The following SLC39A12 variants were observed in gnomAD, a reference collection of about 807,000 sequenced individuals.
SLC39A12 encodes zinc transporter ZIP12.
SLC39A12 carries 63 observed loss-of-function variants against 71.1 expected under a neutral mutation model. That is an observed-to-expected ratio of 0.89 (90% confidence interval 0.72 to 1.09). The LOEUF (loss-of-function observed/expected upper bound fraction) is 1.09, where lower values mean the gene tolerates loss of function less well. Ranked by LOEUF, SLC39A12 falls within the 50% of genes least tolerant of loss-of-function variation. SLC39A12 has a pLI of 0.00. For missense variants in SLC39A12, 892 were observed against 812.6 expected, an observed-to-expected ratio of 1.10 and a Z score of -1.19; for synonymous variants, 351 against 301.3, an observed-to-expected ratio of 1.16 and a Z score of -1.71.
At chr10:17,957,061 T>G (rs35598022) in intron 2 of SLC39A12, among the ~76,000 whole-genome samples, 13,501 of 152,196 alleles carry the variant, frequency 0.089, 625 homozygotes, top group Non-Finnish European at 0.094. Flanking sequence ...TAAAAGAGAC[T>G]GTCTTCTTTT....
chr10:17,952,599 T>C (rs1436709430), intron 1 of SLC39A12, among the ~76,000 whole-genome samples: 1 of 151,800 alleles, frequency 6.6e-6, no homozygotes, highest in African/African-American at 2.4e-5. Flanking sequence ...GCAATTCTTC[T>C]GCCTCAGCCT....
At position 17,953,316 on chromosome 10, in the gene SLC39A12, T is replaced by G; in HGVS notation, c.40T>G (p.Leu14Val). ...RTKLSVSWVP[L>V]FLLLSRVFST... ...AAAGCTCTCAGTATCCTGGGTGCCA[T>G]TGTTTCTTCTACTCAGCCGTGTTTT... The change falls in exon 2 of 13, where the codon TTG becomes GTG. Residue 14 changes from leucine (L) to valine (V), a missense_variant. Coordinates refer to ENST00000377369, the MANE Select transcript of SLC39A12 (RefSeq NM_001145195.2). 1 of 1,614,194 alleles carries G rather than the reference T, an allele frequency of 6.2e-7. No individual in the cohort carries two copies. The highest frequency in any genetic ancestry group is 8.5e-7 in the Non-Finnish European group (1 of 1,180,040).
At position 17,953,519 on chromosome 10, in the gene SLC39A12, G is replaced by A. The variant is rs1554847415; in HGVS notation, c.243G>A (p.Met81Ile). The A allele has an allele frequency of 6.2e-7, 1 of 1,614,164 alleles. No homozygotes were observed. The highest frequency in any genetic ancestry group is 1.7e-5 in the Admixed American group (1 of 60,024). Residue 81 changes from methionine (M) to isoleucine (I), a missense_variant, in exon 2 of 13, where the codon ATG (methionine) becomes ATA (isoleucine). By Grantham distance (10) the Met-to-Ile change is conservative (BLOSUM62 1). Coordinates refer to ENST00000377369, the MANE Select transcript of SLC39A12 (RefSeq NM_001145195.2). ...KTGCPRRRNG[M>I]QGDCNLCFEP... Reference sequence around the variant, plus strand: ...GGTGCCCACGGAGGAGAAACGGAATGCAAGGAGATTGCAATCTGGTTAGTG... The same window carrying A: ...GGTGCCCACGGAGGAGAAACGGAATACAAGGAGATTGCAATCTGGTTAGTG...
At chr10:18,030,595 T>C (rs1589257134) in intron 12 of SLC39A12, among the ~76,000 whole-genome samples, 1 of 148,084 alleles carries the variant, frequency 6.8e-6, no homozygotes, top group East Asian at 2.0e-4. Flanking sequence ...TACTGTGATA[T>C]ATTTTTATTT....
chr10:17,988,492 C>T (rs1835461182), intron 7 of SLC39A12, among the ~76,000 whole-genome samples: 1 of 152,302 alleles, frequency 6.6e-6, no homozygotes, highest in Middle Eastern at 3.4e-3. Flanking sequence ...CACCATGCTT[C>T]CTGTACACCC....
intron 12 of SLC39A12, among the ~76,000 whole-genome samples, chr10:18,019,216 A>G (rs998775913): frequency 3.9e-5 from 6 of 151,986 alleles, no homozygotes; most frequent in African/African-American, 1.2e-4. Flanking sequence ...TTATCCTTTA[A>G]TGTCCACAGA....
At chr10:18,033,380 AG>A (rs577131060) in intron 12 of SLC39A12, among the ~76,000 whole-genome samples, 2,195 of 149,494 alleles carry the variant, frequency 0.015, 22 homozygotes, top group Middle Eastern at 0.024. Context: ...TAGTCTTGGG[AG>A]GGTGTATGTG....
At chr10:18,036,763 T>G (rs1837040928) in intron 12 of SLC39A12, among the ~76,000 whole-genome samples, 4 of 8,704 alleles carry the variant, frequency 4.6e-4, no homozygotes, top group Non-Finnish European at 1.2e-3. Context: ...TATATATATA[T>G]ATATATATAT....
At chr10:17,968,596 A>C (rs1186635056) in intron 4 of SLC39A12, among the ~76,000 whole-genome samples, 1 of 152,112 alleles carries the variant, frequency 6.6e-6, no homozygotes, top group African/African-American at 2.4e-5. Context: ...TAAACCTTCA[A>C]TCTGAAGGAT....
chr10:18,043,051 C>T lies in SLC39A12; in HGVS notation c.*218C>T. The T allele has an allele frequency of 3.6e-6, 1 of 275,044 alleles. No individual in the cohort carries two copies. Among genetic ancestry groups the T allele is most frequent in the Non-Finnish European group, 6.6e-6 (1 of 151,612 alleles). 17.0% of individuals were successfully genotyped at this position (275,044 alleles called of 1,614,324 possible). A position where few individuals can be genotyped will look rare whatever the true frequency, so the allele number is the denominator to read the frequency against. Reference sequence around the variant, plus strand: ...TTGAAATTTTGTCTTTGGTTTCCAACACCATGATGAAGCTCTTGCTTTTTA... The same window carrying T: ...TTGAAATTTTGTCTTTGGTTTCCAATACCATGATGAAGCTCTTGCTTTTTA... On this transcript the variant is annotated 3_prime_UTR_variant, in exon 13 of 13. Transcript: ENST00000377369.
intron 4 of SLC39A12, among the ~76,000 whole-genome samples, chr10:17,969,183 T>G (rs1050236395): frequency 6.6e-6 from 1 of 152,222 alleles, no homozygotes; most frequent in Non-Finnish European, 1.5e-5. Context: ...TCTTTATCCA[T>G]TCATCCATTG....
intron 3 of SLC39A12, among the ~76,000 whole-genome samples, chr10:17,962,615 AT>A (rs1191214129): frequency 7.3e-5 from 11 of 150,120 alleles, no homozygotes; most frequent in African/African-American, 1.2e-4. Flanking sequence ...TGGGGAAATC[AT>A]TTTTTTTTGA....
In SLC39A12 at chr10:17,961,595, T is replaced by G; in HGVS notation, c.276T>G (p.Asp92Glu). The G allele has an allele frequency of 1.2e-6, 2 of 1,611,824 alleles. No homozygotes were observed. Among genetic ancestry groups the G allele is most frequent in the East Asian group, 2.2e-5 (1 of 44,868 alleles). The change falls in exon 3 of 13, where the codon GAT (aspartate) becomes GAG (glutamate). Residue 92 changes from aspartate to glutamate, a missense_variant. By Grantham distance (45) the Asp-to-Glu change is conservative (BLOSUM62 2). Transcript: ENST00000377369. ...TTCTTCCACAGTGCTTTGAACCAGA[T>G]GCACTATTACTAATAGCTGGAGGAA... is the stretch of plus-strand genomic sequence containing the variant. ...QGDCNLCFEP[D>E]ALLLIAGGNF...
rs1180651790 is a variant in SLC39A12, at chr10:18,034,991, C to A, written c.1948-7714C>A. 4.0e-5 allele frequency among the ~76,000 whole-genome samples: 6 copies of A among 151,342 alleles called. No homozygotes were observed. The East Asian group carries it at 1.2e-3, about 29-fold the overall frequency. Reference sequence around the variant, plus strand: ...AATATTGGCCCCCACTCTCTTCTGGCTTGTAGGGTTTCTGCCGAGAGATCC... The same window carrying A: ...AATATTGGCCCCCACTCTCTTCTGGATTGTAGGGTTTCTGCCGAGAGATCC... On this transcript the variant is annotated intron_variant, in intron 12 of 12. Coordinates refer to ENST00000377369, the MANE Select transcript of SLC39A12 (RefSeq NM_001145195.2).
intron 9 of SLC39A12, among the ~76,000 whole-genome samples, chr10:17,994,959 AG>A (rs1021754252): frequency 1.5e-5 from 2 of 135,656 alleles, no homozygotes; most frequent in Non-Finnish European, 3.5e-5. Flanking sequence ...AGAGGCGCCA[AG>A]ACGGAAAATA....
At position 17,983,040 on chromosome 10, in the gene SLC39A12, TA is replaced by T. The variant is rs572926333; in HGVS notation, c.1096+1568del. Among the ~76,000 whole-genome samples, 59 of 145,904 alleles carry T rather than the reference TA, an allele frequency of 4.0e-4. 1 individual carries two copies. The highest frequency in any genetic ancestry group is 5.5e-4 in the Admixed American group (8 of 14,636). On this transcript the variant is annotated intron_variant, in intron 6 of 12. Coordinates refer to ENST00000377369, the MANE Select transcript of SLC39A12 (RefSeq NM_001145195.2). The stretch of plus-strand genomic sequence containing the variant: ...CCCGTCTCTACTAAAAATTAAAAAT[TA>T]AAAAAAAAAATAGCCGGGCATGCTG...
At position 18,037,425 on chromosome 10, in the gene SLC39A12, A is replaced by G. The variant is rs1322829610; in HGVS notation, c.1948-5280A>G. Among the ~76,000 whole-genome samples, 4 of 152,264 alleles carry G rather than the reference A, an allele frequency of 2.6e-5. No homozygotes were observed. The East Asian group carries it at 7.7e-4, about 29-fold the overall frequency. On this transcript the variant is annotated intron_variant, in intron 12 of 12. Transcript: ENST00000377369. ...ACAGTGAATCTCAGATAGAGAATTG[A>G]TCTTTGCAGTTCTTTGTATGTTCAC...
At chr10:18,030,323 C>T (rs1298974514) in intron 12 of SLC39A12, among the ~76,000 whole-genome samples, 3 of 151,098 alleles carry the variant, frequency 2.0e-5, no homozygotes, top group East Asian at 3.9e-4. Context: ...AGCACAGTGG[C>T]GCCTCCCAGG....
intron 12 of SLC39A12, among the ~76,000 whole-genome samples, chr10:18,030,602 A>T (rs1045601860): frequency 7.1e-6 from 1 of 141,360 alleles, no homozygotes; most frequent in African/African-American, 2.6e-5. Flanking sequence ...ATATATTTTT[A>T]TTTTATTTTA....
Sources: gnomAD v4.1 joint callset for allele counts (sites outside exome capture counted in the v4.1 genomes callset) on GRCh38, gnomAD v4.1.1 for gene constraint, MANE v1.5 for transcripts, NCBI Gene and HGNC (gene_info 2026-07-23, HGNC 2026-07-21) for gene names.